Variants in TAFA2 observed in about 807,000 individuals in gnomAD.
TAFA2 encodes chemokine-like protein TAFA-2.
In TAFA2, 7 loss-of-function variants were observed where a neutral mutation model predicts 18.8. That is an observed-to-expected ratio of 0.37 (90% confidence interval 0.21 to 0.70). The LOEUF (loss-of-function observed/expected upper bound fraction) is 0.70. TAFA2 is among the 30% of genes least tolerant of loss of function. The probability of loss-of-function intolerance (pLI) is 0.53; values close to 1 mark genes in which losing one functional copy is unlikely to be tolerated. For synonymous variants in TAFA2, 60 were observed against 54.2 expected, an observed-to-expected ratio of 1.11 and a Z score of -0.47; for missense variants, 122 against 158.1, an observed-to-expected ratio of 0.77 and a Z score of 1.23.
chr12:61,900,241 A>T (rs558274707), intron 1 of TAFA2, among the ~76,000 whole-genome samples: 3 of 152,196 alleles, frequency 2.0e-5, no homozygotes, highest in Non-Finnish European at 4.4e-5. Context: ...ATTATTGGTC[A>T]TAGGGAATGC....
intron 1 of TAFA2, among the ~76,000 whole-genome samples, chr12:61,881,593 C>G (rs757786215): frequency 1.3e-5 from 2 of 152,086 alleles, no homozygotes; most frequent in Non-Finnish European, 2.9e-5. Context: ...AGGAGCCATA[C>G]AGCCCAGTCA....
chr12:62,022,866 C>G (rs1244264235), intron 1 of TAFA2, among the ~76,000 whole-genome samples: 2 of 152,192 alleles, frequency 1.3e-5, no homozygotes, highest in Non-Finnish European at 2.9e-5. Context: ...GCAAGTAGTT[C>G]TCATTCCCAG....
chr12:62,114,735 G>A (rs996377178), intron 1 of TAFA2, among the ~76,000 whole-genome samples: 3 of 151,970 alleles, frequency 2.0e-5, no homozygotes, highest in African/African-American at 7.3e-5. Context: ...TAAACTATAG[G>A]GCCAGCCTTT....
chr12:62,234,087 C>A (rs1026909638), intron 1 of TAFA2, among the ~76,000 whole-genome samples: 1 of 152,148 alleles, frequency 6.6e-6, no homozygotes, highest in African/African-American at 2.4e-5. Flanking sequence ...ACTGTCCATG[C>A]CATAGTTTTC....
chr12:61,949,505 A>C (rs1878392852), intron 1 of TAFA2, among the ~76,000 whole-genome samples: 1 of 152,260 alleles, frequency 6.6e-6, no homozygotes, highest in East Asian at 1.9e-4. Flanking sequence ...TTAAAAAAGC[A>C]AGAAATAAAT....
intron 2 of TAFA2, among the ~76,000 whole-genome samples, chr12:61,757,888 C>T (rs948884931): frequency 2.6e-5 from 4 of 151,898 alleles, no homozygotes; most frequent in South Asian, 2.1e-4. Context: ...CTCCAAAGTC[C>T]GAGTACCTGG....
At chr12:61,733,857 C>T (rs1338263380) in intron 4 of TAFA2, among the ~76,000 whole-genome samples, 1 of 150,908 alleles carries the variant, frequency 6.6e-6, no homozygotes, top group African/African-American at 2.4e-5. Context: ...TATAAATTAC[C>T]TTGGGCAGTA....
intron 1 of TAFA2, among the ~76,000 whole-genome samples, chr12:61,927,372 G>T (rs573652568): frequency 6.6e-6 from 1 of 152,166 alleles, no homozygotes; most frequent in Non-Finnish European, 1.5e-5. Flanking sequence ...AGCAATAACA[G>T]ATAAACAGAG....
At chr12:62,112,930 C>T (rs1282603097) in intron 1 of TAFA2, among the ~76,000 whole-genome samples, 2 of 152,074 alleles carry the variant, frequency 1.3e-5, no homozygotes, top group Admixed American at 6.6e-5. Flanking sequence ...TTAGAACATG[C>T]TCCTTTAACT....
At chr12:61,755,855 T>C (rs1236353764) in intron 2 of TAFA2, among the ~76,000 whole-genome samples, 1 of 152,116 alleles carries the variant, frequency 6.6e-6, no homozygotes, top group African/African-American at 2.4e-5. Context: ...TTTTTCAGCA[T>C]TTCTTCTTCA....
intron 1 of TAFA2, among the ~76,000 whole-genome samples, chr12:62,048,452 T>C (rs1881965696): frequency 6.6e-6 from 1 of 152,234 alleles, no homozygotes; most frequent in Non-Finnish European, 1.5e-5. Flanking sequence ...ATCAGGATTC[T>C]GGGGATTTTA....
chr12:62,131,374 G>A (rs1159774870), intron 1 of TAFA2, among the ~76,000 whole-genome samples: 2 of 152,014 alleles, frequency 1.3e-5, no homozygotes, highest in African/African-American at 4.8e-5. Flanking sequence ...CCTATTAAGG[G>A]CTGGATGCCG....
chr12:62,204,403 G>A (rs998949378), intron 1 of TAFA2, among the ~76,000 whole-genome samples: 1 of 152,036 alleles, frequency 6.6e-6, no homozygotes, highest in African/African-American at 2.4e-5. Context: ...AGTTGGGAAT[G>A]TTCTCCTGGA....
At chr12:61,875,505 T>C (rs1225545828) in intron 1 of TAFA2, among the ~76,000 whole-genome samples, 4 of 152,096 alleles carry the variant, frequency 2.6e-5, no homozygotes, top group African/African-American at 9.7e-5. Flanking sequence ...TAACAAGATA[T>C]ATATTATATC....
At chr12:62,082,216 C>G (rs953168464) in intron 1 of TAFA2, among the ~76,000 whole-genome samples, 2 of 152,100 alleles carry the variant, frequency 1.3e-5, no homozygotes, top group Non-Finnish European at 2.9e-5. Flanking sequence ...TAGGTTGATT[C>G]TATGTCTTTG....
chr12:61,800,084 T>C (rs1309565053), intron 2 of TAFA2, among the ~76,000 whole-genome samples: 1 of 152,172 alleles, frequency 6.6e-6, no homozygotes, highest in Non-Finnish European at 1.5e-5. Context: ...AGATATTATA[T>C]AATTAGTTGA....
At chr12:61,922,185 C>A (rs74096122) in intron 1 of TAFA2, among the ~76,000 whole-genome samples, 1,588 of 152,158 alleles carry the variant, frequency 0.01, 26 homozygotes, top group African/African-American at 0.037. Context: ...ATTGAAGAAA[C>A]AATGCATGTT....
Position 61,851,936 on chromosome 12 carries a change from G to A in TAFA2, c.106+15384C>T, listed in dbSNP as rs138892964. On this transcript the variant is annotated intron_variant, in intron 2 of 4. Transcript: ENST00000416284. ...TTTGGATAAAAGACAAGCCGGGCAC[G>A]GTGGCTCACGCCTGTAATCCCAGCA... Among the ~76,000 whole-genome samples the A allele has an allele frequency of 1.8e-4, 28 of 151,742 alleles. No homozygotes were observed. The East Asian group carries it at 4.5e-3, about 24-fold the overall frequency.
At chr12:61,850,856 TAG>T (rs2121160031) in intron 2 of TAFA2, among the ~76,000 whole-genome samples, 1 of 152,260 alleles carries the variant, frequency 6.6e-6, no homozygotes, top group African/African-American at 2.4e-5. Flanking sequence ...AATATAATGG[TAG>T]AGACTTTTCA....
Sources: allele counts gnomAD v4.1 joint callset (sites outside exome capture counted in the v4.1 genomes callset), GRCh38; gene constraint gnomAD v4.1.1; transcripts MANE v1.5; gene names NCBI Gene and HGNC (gene_info 2026-07-23, HGNC 2026-07-21).